Variants in CEP112 observed in about 807,000 individuals in gnomAD.
CEP112 encodes the protein centrosomal protein 112.
Under a neutral mutation model 153.0 loss-of-function variants are expected in CEP112, and 127 were observed. That is an observed-to-expected ratio of 0.83 (90% confidence interval 0.72 to 0.96). The LOEUF (loss-of-function observed/expected upper bound fraction) is 0.96, where lower values mean the gene tolerates loss of function less well. Among genes scored for constraint, CEP112 ranks in the 40% least tolerant of loss-of-function variants. The probability of loss-of-function intolerance (pLI) is 0.00; values close to 1 mark genes in which losing one functional copy is unlikely to be tolerated. For missense variants in CEP112, 1,089 were observed against 1,101.2 expected (o/e 0.99, Z 0.16); for synonymous variants, 358 against 374.4 (o/e 0.96, Z 0.51).
chr17:65,771,915 G>A (rs969482665), intron 21 of CEP112, among the ~76,000 whole-genome samples: 8 of 152,004 alleles, frequency 5.3e-5, no homozygotes, highest in Non-Finnish European at 8.8e-5. Flanking sequence ...TAGCTACTTG[G>A]GAGTTGGGAG....
At chr17:66,109,647 A>T (rs73353839) in intron 6 of CEP112, among the ~76,000 whole-genome samples, 24,630 of 152,096 alleles carry the variant, frequency 0.16, 2,751 homozygotes, top group African/African-American at 0.31. Flanking sequence ...TGAAAAAAAA[A>T]TAGAGAGTAG....
intron 11 of CEP112, among the ~76,000 whole-genome samples, chr17:66,062,529 A>G (rs1374795845): frequency 6.6e-6 from 1 of 152,122 alleles, no homozygotes; most frequent in Non-Finnish European, 1.5e-5. Context: ...ATGTAAAATC[A>G]TTACATGTCA....
chr17:65,885,201 A>G (rs2059233905), intron 20 of CEP112, among the ~76,000 whole-genome samples: 1 of 152,196 alleles, frequency 6.6e-6, no homozygotes, highest in Non-Finnish European at 1.5e-5. Context: ...AAATTTTCTA[A>G]TGGATTGAGA....
At chr17:66,078,902 C>T (rs1782207091) in intron 8 of CEP112, among the ~76,000 whole-genome samples, 2 of 152,048 alleles carry the variant, frequency 1.3e-5, no homozygotes, top group South Asian at 4.1e-4. Flanking sequence ...TCACTGGATA[C>T]AAAATTCTTG....
intron 11 of CEP112, 65 bp from the exon 12 acceptor site, chr17:66,053,944 G>C (rs1401048): frequency 5.7e-5 from 79 of 1,384,010 alleles, no homozygotes; most frequent in Non-Finnish European, 7.6e-5. Context: ...GTAATTCAGC[G>C]GAAAAAATGG....
chr17:65,900,880 T>C (rs937410922), intron 20 of CEP112, among the ~76,000 whole-genome samples: 11 of 152,178 alleles, frequency 7.2e-5, no homozygotes, highest in Non-Finnish European at 1.3e-4. Context: ...GGCACTACAA[T>C]GACTACCTTT....
At chr17:66,121,995 A>G (rs902904046) in intron 6 of CEP112, among the ~76,000 whole-genome samples, 1 of 152,010 alleles carries the variant, frequency 6.6e-6, no homozygotes, top group East Asian at 1.9e-4. Flanking sequence ...CCCAGGTTCA[A>G]GTGATCCTCC....
chr17:65,692,502 C>T (rs1481879330), intron 23 of CEP112, among the ~76,000 whole-genome samples: 5 of 152,170 alleles, frequency 3.3e-5, no homozygotes, highest in African/African-American at 2.4e-5. Flanking sequence ...GCTGGGATCA[C>T]AGGCGTGAGT....
At chr17:65,640,553 A>C (rs972455) in intron 25 of CEP112, among the ~76,000 whole-genome samples, 108,178 of 152,110 alleles carry the variant, frequency 0.71, 39,840 homozygotes, top group East Asian at 0.95. Flanking sequence ...ATCTCTAACG[A>C]CCATGTAAAA....
chr17:65,679,186 A>G (rs2047394512), intron 24 of CEP112, among the ~76,000 whole-genome samples: 1 of 107,890 alleles, frequency 9.3e-6, no homozygotes, highest in African/African-American at 3.6e-5. Context: ...AAACAGAGGC[A>G]AGTGTTCAAA....
At chr17:66,142,413 G>A (rs2070740350) in intron 4 of CEP112, among the ~76,000 whole-genome samples, 1 of 152,148 alleles carries the variant, frequency 6.6e-6, no homozygotes, top group Admixed American at 6.5e-5. Context: ...TTATATCTAA[G>A]AAATTACTGC....
rs78870502 is a variant in CEP112, at chr17:66,172,115, A to G, written c.470+2929T>C. 1.4e-3 allele frequency among the ~76,000 whole-genome samples: 214 copies of G among 152,348 alleles called. 4 individuals are homozygous for G. In the East Asian group the frequency reaches 0.017, roughly 12 times the overall value. ...TAAATATGTGGCAGTGTCTAACACA[A>G]TCTACTTGTTCATGAATGCATTCAC... On this transcript the variant is annotated intron_variant, in intron 4 of 26. Transcript: ENST00000535342.
intron 18 of CEP112, among the ~76,000 whole-genome samples, chr17:65,937,631 C>G (rs1370056546): frequency 1.0e-5 from 1 of 99,832 alleles, no homozygotes; most frequent in Non-Finnish European, 2.1e-5. Flanking sequence ...GGGTCAGCCC[C>G]CCGCCCGGCC....
Position 65,637,507 on chromosome 17 carries a change from G to C in CEP112, c.2800-319C>G, listed in dbSNP as rs572323266. Among the ~76,000 whole-genome samples, 7 of 152,288 alleles carry C rather than the reference G, an allele frequency of 4.6e-5. No individual in the cohort carries two copies. The East Asian group carries it at 1.4e-3, about 29-fold the overall frequency. ...CACACCGTGTCTTTCTCGCTCCGTT[G>C]CTCTTTGGCCCAGGCCATTTTCTCT... On this transcript the variant is annotated intron_variant, in intron 25 of 26. Transcript: ENST00000535342.
rs8071857 is a variant in CEP112 at position 65,905,206 on chromosome 17, T to C, written c.1981-2872A>G. On this transcript the variant is annotated intron_variant, in intron 19 of 26. Coordinates refer to ENST00000535342, the MANE Select transcript of CEP112 (RefSeq NM_001199165.4). ...AGAAAATTTTTGCAATCTATCTATCTGAGAAAGGGTTAATATCCAGAATCT... is the reference window on the plus strand; with the variant it reads ...AGAAAATTTTTGCAATCTATCTATCCGAGAAAGGGTTAATATCCAGAATCT... Among the ~76,000 whole-genome samples, 434 of 152,148 alleles carry C rather than the reference T, an allele frequency of 2.9e-3. 5 individuals are homozygous for C. The highest frequency in any genetic ancestry group is 9.5e-3 in the African/African-American group (394 of 41,516).
chr17:65,862,457 G>T (rs2058341578), intron 20 of CEP112, among the ~76,000 whole-genome samples: 1 of 152,058 alleles, frequency 6.6e-6, no homozygotes, highest in African/African-American at 2.4e-5. Flanking sequence ...GCGTGGTGGT[G>T]GGCACCTGTA....
At chr17:65,668,246 T>G (rs1246260204) in intron 24 of CEP112, among the ~76,000 whole-genome samples, 3 of 152,150 alleles carry the variant, frequency 2.0e-5, no homozygotes, top group Admixed American at 2.0e-4. Flanking sequence ...AAACTATAAG[T>G]TGGTGACAGG....
chr17:65,895,446 G>GC (rs2059626842), intron 20 of CEP112, among the ~76,000 whole-genome samples: 1 of 152,004 alleles, frequency 6.6e-6, no homozygotes, highest in Admixed American at 6.6e-5. Flanking sequence ...ATATCAAGCA[G>GC]CATTATTCAA....
At chr17:66,185,372 A>T (rs1426259608) in intron 1 of CEP112, among the ~76,000 whole-genome samples, 1 of 152,030 alleles carries the variant, frequency 6.6e-6, no homozygotes, top group Non-Finnish European at 1.5e-5. Flanking sequence ...ACAGGCACAC[A>T]CCACCATGCC....
Sources: allele counts gnomAD v4.1 joint callset (sites outside exome capture counted in the v4.1 genomes callset), GRCh38; gene constraint gnomAD v4.1.1; transcripts MANE v1.5; gene names NCBI Gene and HGNC (gene_info 2026-07-23, HGNC 2026-07-21).